The following BFSP1 variants were observed in gnomAD, a reference collection of about 807,000 sequenced individuals.
BFSP1 encodes the protein beaded filament structural protein 1.
In BFSP1, 38 loss-of-function variants were observed where a neutral mutation model predicts 43.9. That is an observed-to-expected ratio of 0.87 (90% CI 0.67 to 1.14). The LOEUF (loss-of-function observed/expected upper bound fraction) is 1.14, where lower values mean the gene tolerates loss of function less well. Among genes scored for constraint, BFSP1 ranks in the 50% most tolerant of loss-of-function variants. The pLI, the probability that BFSP1 is intolerant of heterozygous loss-of-function variation, is 0.00. For missense variants in BFSP1, 850 were observed against 875.1 expected, an observed-to-expected ratio of 0.97 and a Z score of 0.36; for synonymous variants, 352 against 354.8, an observed-to-expected ratio of 0.99 and a Z score of 0.09.
At chr20:17,516,835 C>T in intron 2 of BFSP1, 1 of 618,878 alleles carries the variant, frequency 1.6e-6, no homozygotes, top group Non-Finnish European at 2.9e-6. Context: ...AGTGGAGCTG[C>T]CACCAAAATG....
intron 3 of BFSP1, among the ~76,000 whole-genome samples, chr20:17,513,078 G>A (rs535723500): frequency 1.3e-5 from 2 of 152,306 alleles, no homozygotes; most frequent in African/African-American, 2.4e-5. Flanking sequence ...CAGCACAGGA[G>A]TACAAAAGAC....
At chr20:17,501,018 G>A (rs1050680928) in intron 5 of BFSP1, among the ~76,000 whole-genome samples, 2 of 152,170 alleles carry the variant, frequency 1.3e-5, no homozygotes, top group African/African-American at 2.4e-5. Context: ...CGGAGACTCC[G>A]CCTTGCTCAC....
At chr20:17,519,782 T>C (rs868188088) in intron 2 of BFSP1, among the ~76,000 whole-genome samples, 9 of 152,348 alleles carry the variant, frequency 5.9e-5, no homozygotes, top group Middle Eastern at 3.4e-3. Context: ...GCTTTGAAGA[T>C]AATCACCCGA....
intron 5 of BFSP1, among the ~76,000 whole-genome samples, chr20:17,503,365 AAAGAGT>A (rs2033850361): frequency 1.3e-5 from 2 of 152,162 alleles, no homozygotes; most frequent in Admixed American, 1.3e-4. Context: ...CTTCCATAAT[AAAGAGT>A]AAAAGAAAAA....
upstream of BFSP1, among the ~76,000 whole-genome samples, chr20:17,534,881 G>A (rs773027403): frequency 6.6e-6 from 1 of 151,876 alleles, no homozygotes; most frequent in African/African-American, 2.4e-5. Flanking sequence ...TTAGCCGGAC[G>A]TCGTGGCTTG....
chr20:17,548,610 A>G (rs1288162798), intron 1 of BFSP1, among the ~76,000 whole-genome samples: 1 of 152,178 alleles, frequency 6.6e-6, no homozygotes, highest in African/African-American at 2.4e-5. Context: ...GACTGCATAG[A>G]CCGAGTATGA....
At chr20:17,537,288 A>G (rs1026071863) in intron 1 of BFSP1, among the ~76,000 whole-genome samples, 1 of 152,122 alleles carries the variant, frequency 6.6e-6, no homozygotes, top group Non-Finnish European at 1.5e-5. Context: ...GATCCCTACT[A>G]TCCCTGCTCC....
chr20:17,518,554 C>A (rs958442304), intron 2 of BFSP1, among the ~76,000 whole-genome samples: 1 of 152,176 alleles, frequency 6.6e-6, no homozygotes, highest in Non-Finnish European at 1.5e-5. Flanking sequence ...AGTGGGCAGG[C>A]CCCTTGGAGA....
chr20:17,536,750 G>C (rs932429176), intron 1 of BFSP1, among the ~76,000 whole-genome samples: 4 of 152,208 alleles, frequency 2.6e-5, no homozygotes, highest in Admixed American at 2.0e-4. Flanking sequence ...AAAAGGTAAT[G>C]GAGGTAATCA....
At position 17,494,247 on chromosome 20, in the gene BFSP1, G is replaced by A; in HGVS notation, c.1825C>T (p.Pro609Ser). 1 of 1,614,058 alleles carries A rather than the reference G, an allele frequency of 6.2e-7. No individual in the cohort carries two copies. The highest frequency in any genetic ancestry group is 1.1e-5 in the South Asian group (1 of 91,072). ...EVLGTRSRSL[P>S]EKGPPKALAY... Reference sequence around the variant, plus strand: ...AAAGCCTTGGGAGGGCCTTTTTCTGGCAGGCTTCTGCTCCTAGTCCCAAGC... The same window carrying A: ...AAAGCCTTGGGAGGGCCTTTTTCTGACAGGCTTCTGCTCCTAGTCCCAAGC... The change falls in exon 8 of 8, where the codon CCA (proline) becomes TCA (serine). Residue 609 changes from proline to serine, a missense_variant. Transcript: ENST00000377873.
At chr20:17,548,942 G>A (rs2034850475) in intron 1 of BFSP1, among the ~76,000 whole-genome samples, 1 of 151,938 alleles carries the variant, frequency 6.6e-6, no homozygotes, top group South Asian at 2.1e-4. Flanking sequence ...CAAATAGCTG[G>A]GACTACAAGC....
In BFSP1 at chr20:17,494,688, T is replaced by TG; in HGVS notation, c.1383dup (p.Thr462HisfsTer2). On this transcript the variant is annotated frameshift_variant, in exon 8 of 8. Coordinates refer to ENST00000377873, the MANE Select transcript of BFSP1 (RefSeq NM_001195.5). LOFTEE classifies it low-confidence loss of function (END_TRUNC). ...TGCCGCTCTTTGGTGTAGAGCTCAG[T>TG]GGGGGTCTCAGGCTCTTTGGGGCTT... 6.2e-7 allele frequency: 1 copy of TG among 1,611,738 alleles called. No homozygotes were observed. Among genetic ancestry groups the TG allele is most frequent in the Non-Finnish European group, 8.5e-7 (1 of 1,178,922 alleles).
intron 2 of BFSP1, among the ~76,000 whole-genome samples, chr20:17,520,220 C>CT (rs987941119): frequency 1.0e-4 from 15 of 148,572 alleles, no homozygotes; most frequent in African/African-American, 3.0e-4. Flanking sequence ...GCCCCCCCAC[C>CT]CCGCCCACCT....
At chr20:17,521,429 C>T (rs546341598) in intron 2 of BFSP1, among the ~76,000 whole-genome samples, 1 of 152,302 alleles carries the variant, frequency 6.6e-6, no homozygotes, top group South Asian at 2.1e-4. Context: ...GATGCAAAGA[C>T]TGGATCAGTG....
At chr20:17,563,351 ACCCTCCCTCCCT>A (rs1167793501), upstream of BFSP1, among the ~76,000 whole-genome samples, 1 of 51,698 alleles carries the variant, frequency 1.9e-5, no homozygotes, top group East Asian at 5.1e-4. Flanking sequence ...TCTGGAACCC[ACCCTCCCTCCCT>A]CCCTCCCTTC....
intron 1 of BFSP1, chr20:17,558,629 G>C: frequency 1.3e-6 from 2 of 1,527,512 alleles, no homozygotes; most frequent in Non-Finnish European, 1.8e-6. Context: ...GTTCTTTAAA[G>C]CAAAAAGAAA....
intron 5 of BFSP1, among the ~76,000 whole-genome samples, chr20:17,505,395 G>A (rs746933568): frequency 6.6e-6 from 1 of 152,330 alleles, no homozygotes; most frequent in South Asian, 2.1e-4. Flanking sequence ...TGGTGCCCCC[G>A]CTGCTGGGAC....
At chr20:17,535,315 G>C (rs2034608945), upstream of BFSP1, among the ~76,000 whole-genome samples, 1 of 152,098 alleles carries the variant, frequency 6.6e-6, no homozygotes, top group Non-Finnish European at 1.5e-5. Context: ...CGGATCATGA[G>C]GTCAGGAGTT....
At chr20:17,516,418 T>C (rs2034202653) in intron 2 of BFSP1, among the ~76,000 whole-genome samples, 2 of 152,234 alleles carry the variant, frequency 1.3e-5, no homozygotes, top group Non-Finnish European at 2.9e-5. Context: ...GTAAGATTTC[T>C]GATTGTCTGA....
Sources: allele counts gnomAD v4.1 joint callset (sites outside exome capture counted in the v4.1 genomes callset), GRCh38; gene constraint gnomAD v4.1.1; transcripts MANE v1.5; gene names NCBI Gene and HGNC (gene_info 2026-07-23, HGNC 2026-07-21).